The following ARHGAP22 variants were observed in gnomAD, a reference collection of about 807,000 sequenced individuals.
ARHGAP22 encodes rho GTPase-activating protein 22.
ARHGAP22 carries 48 observed loss-of-function variants against 59.1 expected under a neutral mutation model. The observed-to-expected ratio is 0.81, with a 90% CI of 0.64 to 1.03. ARHGAP22 has a LOEUF of 1.03. Among genes scored for constraint, ARHGAP22 ranks in the 50% least tolerant of loss-of-function variants. ARHGAP22 has a pLI of 0.00. For missense variants in ARHGAP22, 1,015 were observed against 958.7 expected (o/e 1.06, Z -0.78); for synonymous variants, 445 against 416.4 (o/e 1.07, Z -0.84).
intron 4 of ARHGAP22, among the ~76,000 whole-genome samples, chr10:48,471,352 G>A (rs2048209133): frequency 6.6e-6 from 1 of 152,234 alleles, no homozygotes; most frequent in East Asian, 1.9e-4. Context: ...ACTGCCTTCT[G>A]CGCTGCCACT....
At chr10:48,498,007 C>T (rs184992698) in intron 3 of ARHGAP22, among the ~76,000 whole-genome samples, 1 of 152,280 alleles carries the variant, frequency 6.6e-6, no homozygotes, top group East Asian at 1.9e-4. Flanking sequence ...TAGGGCTCTG[C>T]CTCTGTCTAT....
chr10:48,494,316 C>T (rs553405722), intron 3 of ARHGAP22, among the ~76,000 whole-genome samples: 13 of 152,300 alleles, frequency 8.5e-5, no homozygotes, highest in African/African-American at 2.9e-4. Flanking sequence ...TCTCCCTTGC[C>T]TCTGGGACAA....
At chr10:48,451,216 G>C (rs1259471500) in intron 8 of ARHGAP22, 76 bp from the exon 9 acceptor site, 1 of 1,539,572 alleles carries the variant, frequency 6.5e-7, no homozygotes, top group South Asian at 1.2e-5. Context: ...TCATGGAGAA[G>C]CTGCAGCTTC....
intron 2 of ARHGAP22, among the ~76,000 whole-genome samples, chr10:48,557,548 C>T (rs1432175476): frequency 6.6e-6 from 1 of 152,206 alleles, no homozygotes; most frequent in East Asian, 1.9e-4. Context: ...ATGCAACCAG[C>T]CCTGTGCCCA....
In ARHGAP22 at chr10:48,640,490, T is replaced by G. The variant is rs78425776; in HGVS notation, c.52+11744A>C. 2.2e-3 allele frequency among the ~76,000 whole-genome samples: 332 copies of G among 152,296 alleles called. 1 individual carries two copies. Among genetic ancestry groups the G allele is most frequent in the Non-Finnish European group, 1.9e-3 (128 of 68,000 alleles). ...TTGAAGTAGCAAAAGAAAAATGTCT[T>G]GTCACATGAAAGGGAGTACTGATGC... On this transcript the variant is annotated intron_variant, in intron 1 of 9. Coordinates refer to the ARHGAP22 transcript ENST00000435790.
intron 2 of ARHGAP22, among the ~76,000 whole-genome samples, chr10:48,572,824 G>A (rs1280964774): frequency 2.0e-5 from 3 of 152,158 alleles, no homozygotes; most frequent in Non-Finnish European, 2.9e-5. Context: ...TGATTTTTAA[G>A]TTAACAGAGA....
intron 3 of ARHGAP22, 93 bp downstream of exon 3, chr10:48,555,370 C>G (rs1358613418): frequency 2.5e-6 from 3 of 1,219,644 alleles, no homozygotes; most frequent in Admixed American, 1.8e-5. Context: ...GTGGCTCCTG[C>G]GGGAGGAGTG....
In ARHGAP22 at chr10:48,599,945, A is replaced by G. The variant is rs79530030; in HGVS notation, c.34+4818T>C. On this transcript the variant is annotated intron_variant, in intron 1 of 9. Coordinates refer to ENST00000249601, the MANE Select transcript of ARHGAP22 (RefSeq NM_021226.4). The stretch of plus-strand genomic sequence containing the variant: ...CCCTGGGGGCATGAGCTGTTCAGTG[A>G]CACGTCAGCCTCCATCTGCCTCTGT... 7.4e-3 allele frequency among the ~76,000 whole-genome samples: 1,123 copies of G among 152,294 alleles called. 6 individuals are homozygous for G. Among genetic ancestry groups the G allele is most frequent in the Middle Eastern group, 0.031 (9 of 294 alleles).
intron 3 of ARHGAP22, among the ~76,000 whole-genome samples, chr10:48,499,093 G>A (rs2051246100): frequency 1.3e-5 from 2 of 152,188 alleles, no homozygotes; most frequent in African/African-American, 4.8e-5. Flanking sequence ...AGTCCAAAGC[G>A]GGTGAAGGGG....
chr10:48,627,634 TG>T lies in ARHGAP22; in HGVS notation c.52+24599del, dbSNP rs540212694. The stretch of plus-strand genomic sequence containing the variant: ...CACAGGGCTGCACAGGGCAGGCCAC[TG>T]GGAAGCTTGGCTCATGCCCACAGCA... On this transcript the variant is annotated intron_variant, in intron 1 of 9. Coordinates refer to the ARHGAP22 transcript ENST00000435790. Among the ~76,000 whole-genome samples, 23 of 152,340 alleles carry T rather than the reference TG, an allele frequency of 1.5e-4. 1 individual carries two copies. In the South Asian group the frequency reaches 4.8e-3, roughly 32 times the overall value.
At chr10:48,438,489 T>TA in the ARHGAP22 span, 1 of 152,246 alleles carries the variant, frequency 6.6e-6, no homozygotes, top group East Asian at 1.9e-4. Context: ...GAGAGTCTAG[T>TA]AACAGTAACA....
At chr10:48,442,352 G>A (rs1443024440), downstream of ARHGAP22, among the ~76,000 whole-genome samples, 1 of 152,208 alleles carries the variant, frequency 6.6e-6, no homozygotes, top group Non-Finnish European at 1.5e-5. Flanking sequence ...CCATCATCCT[G>A]ACTGGTACCA....
At chr10:48,630,071 A>G (rs944707778) in intron 1 of ARHGAP22, among the ~76,000 whole-genome samples, 1 of 151,144 alleles carries the variant, frequency 6.6e-6, no homozygotes, top group Non-Finnish European at 1.5e-5. Flanking sequence ...TACTGAGTCT[A>G]TATACCAAGT....
chr10:48,460,432 C>G (rs1289311038), intron 4 of ARHGAP22, among the ~76,000 whole-genome samples: 5 of 152,194 alleles, frequency 3.3e-5, no homozygotes, highest in Admixed American at 3.3e-4. Flanking sequence ...CTATCTGATA[C>G]CACCTCACAC....
At chr10:48,530,821 G>A (rs1743348841) in intron 3 of ARHGAP22, among the ~76,000 whole-genome samples, 1 of 152,184 alleles carries the variant, frequency 6.6e-6, no homozygotes, top group Admixed American at 6.5e-5. Context: ...ACTGCTGGTG[G>A]GAATGGAAAC....
chr10:48,563,894 T>A (rs1378126886), intron 2 of ARHGAP22, among the ~76,000 whole-genome samples: 1 of 152,206 alleles, frequency 6.6e-6, no homozygotes, highest in African/African-American at 2.4e-5. Flanking sequence ...AAATAAAATA[T>A]GTTGTTAAAA....
chr10:48,437,653 C>T, the ARHGAP22 span: 1 of 152,164 alleles, frequency 6.6e-6, no homozygotes, highest in Non-Finnish European at 1.5e-5. Context: ...GATAGAGCAT[C>T]TCAACTCTGT....
the ARHGAP22 span, among the ~76,000 whole-genome samples, chr10:48,433,942 A>G: frequency 1.3e-5 from 2 of 152,206 alleles, no homozygotes; most frequent in African/African-American, 4.8e-5. Context: ...AGTAACTTGC[A>G]TTATTCCAAT....
At chr10:48,550,049 A>G (rs563548012) in intron 3 of ARHGAP22, among the ~76,000 whole-genome samples, 1 of 152,328 alleles carries the variant, frequency 6.6e-6, no homozygotes, top group African/African-American at 2.4e-5. Flanking sequence ...CCTTGGAACT[A>G]AGGTGTGAAG....
Sources: allele counts gnomAD v4.1 joint callset (sites outside exome capture counted in the v4.1 genomes callset), GRCh38; gene constraint gnomAD v4.1.1; transcripts MANE v1.5; gene names NCBI Gene and HGNC (gene_info 2026-07-23, HGNC 2026-07-21).